LYRM4: variants seen among roughly 807,000 people sequenced by gnomAD.
LYRM4 encodes LYR motif-containing protein 4.
A neutral mutation model predicts 11.7 loss-of-function variants in LYRM4; 9 were observed. That is an observed-to-expected ratio of 0.77 (90% CI 0.46 to 1.34). The LOEUF is 1.34. Among genes scored for constraint, LYRM4 ranks in the 40% most tolerant of loss-of-function variants. LYRM4 has a pLI of 0.00. For missense variants in LYRM4, 133 were observed against 112.5 expected, an observed-to-expected ratio of 1.18 and a Z score of -0.82; for synonymous variants, 42 against 40.4, an observed-to-expected ratio of 1.04 and a Z score of -0.15.
intron 1 of LYRM4, among the ~76,000 whole-genome samples, chr6:5,246,438 T>C (rs1764200281): frequency 6.6e-6 from 1 of 152,192 alleles, no homozygotes; most frequent in Admixed American, 6.5e-5. Context: ...AGGTCTTTAA[T>C]TGGAGAAACC....
the LYRM4 span, chr6:5,084,500 G>C: frequency 1.5e-4 from 23 of 152,084 alleles, no homozygotes; most frequent in African/African-American, 4.3e-4. Context: ...CCCTCCCTGC[G>C]GGATCCCGGG....
intron 1 of LYRM4, among the ~76,000 whole-genome samples, chr6:5,235,364 A>G (rs1032417475): frequency 2.0e-5 from 3 of 152,178 alleles, no homozygotes; most frequent in African/African-American, 7.2e-5. Flanking sequence ...AATCACAAAG[A>G]CCCACAAGCC....
chr6:5,073,605 TA>T, the LYRM4 span, among the ~76,000 whole-genome samples: 7 of 148,632 alleles, frequency 4.7e-5, no homozygotes, highest in African/African-American at 1.5e-4. Flanking sequence ...ATAGTCTGTA[TA>T]ATATATAATC....
the LYRM4 span, among the ~76,000 whole-genome samples, chr6:5,074,480 C>A: frequency 1.5e-5 from 2 of 133,530 alleles, no homozygotes; most frequent in African/African-American, 2.8e-5. Flanking sequence ...TTGAGAGGTT[C>A]AAGGCTTCAG....
At chr6:5,228,096 C>T (rs112010136) in intron 1 of LYRM4, among the ~76,000 whole-genome samples, 13,704 of 152,062 alleles carry the variant, frequency 0.09, 772 homozygotes, top group African/African-American at 0.15. Flanking sequence ...CACTTGTATA[C>T]CCATGTAAGA....
chr6:5,162,959 A>G (rs528120965), intron 2 of LYRM4, among the ~76,000 whole-genome samples: 1 of 152,254 alleles, frequency 6.6e-6, no homozygotes, highest in Admixed American at 6.5e-5. Flanking sequence ...TTTCAGCCTT[A>G]AAAAAATCGA....
At chr6:5,115,418 A>AAT (rs1763073889) in intron 2 of LYRM4, among the ~76,000 whole-genome samples, 1 of 152,168 alleles carries the variant, frequency 6.6e-6, no homozygotes, top group Non-Finnish European at 1.5e-5. Flanking sequence ...CTGTGTGCTA[A>AAT]AGGCCGTATT....
chr6:5,221,775 A>C (rs1445788030), intron 1 of LYRM4, among the ~76,000 whole-genome samples: 10 of 152,242 alleles, frequency 6.6e-5, no homozygotes, highest in Admixed American at 6.5e-4. Context: ...ATCTTCATGC[A>C]GTCAACTGCC....
intron 2 of LYRM4, among the ~76,000 whole-genome samples, chr6:5,169,273 C>T (rs1220099563): frequency 2.0e-5 from 3 of 152,120 alleles, no homozygotes. Flanking sequence ...ACTTATCTGA[C>T]AGCAGTCAGA....
chr6:5,125,776 A>T (rs1763672784), intron 2 of LYRM4, among the ~76,000 whole-genome samples: 1 of 152,248 alleles, frequency 6.6e-6, no homozygotes, highest in Non-Finnish European at 1.5e-5. Context: ...TTTGATGATA[A>T]GCTCAGTGAG....
At chr6:5,117,510 G>A (rs1172509399) in intron 2 of LYRM4, among the ~76,000 whole-genome samples, 1 of 150,888 alleles carries the variant, frequency 6.6e-6, no homozygotes, top group African/African-American at 2.4e-5. Flanking sequence ...AGCCGAGATC[G>A]CACTCCAGCC....
the LYRM4 span, chr6:5,066,798 C>T: frequency 2.7e-6 from 2 of 742,446 alleles, no homozygotes; most frequent in Admixed American, 2.1e-5. Context: ...TAACACCCTC[C>T]TTGGTGAGTT....
At chr6:5,176,653 C>T (rs1235620991) in intron 2 of LYRM4, among the ~76,000 whole-genome samples, 2 of 152,182 alleles carry the variant, frequency 1.3e-5, no homozygotes, top group Non-Finnish European at 1.5e-5. Flanking sequence ...TTACTGAGGC[C>T]TGAAGCACTG....
chr6:5,072,578 T>G, the LYRM4 span, among the ~76,000 whole-genome samples: 1 of 146,482 alleles, frequency 6.8e-6, no homozygotes, highest in Non-Finnish European at 1.5e-5. Flanking sequence ...ACATCAAAGT[T>G]TTTTTTTTTT....
intron 2 of LYRM4, among the ~76,000 whole-genome samples, chr6:5,158,289 A>C (rs931464568): frequency 3.3e-5 from 5 of 152,234 alleles, no homozygotes; most frequent in African/African-American, 1.2e-4. Context: ...AAGCATAAAC[A>C]AACAGGAACA....
At chr6:5,132,591 T>A (rs1423592604) in intron 2 of LYRM4, 1 of 152,246 alleles carries the variant, frequency 6.6e-6, no homozygotes, top group Non-Finnish European at 1.5e-5. Flanking sequence ...TAATTTGTAG[T>A]TCTGCTCCAG....
At chr6:5,085,962 CGTG>C in the LYRM4 span, 1 of 1,527,346 alleles carries the variant, frequency 6.5e-7, no homozygotes, top group African/African-American at 1.4e-5. Context: ...TGCCGCCCGC[CGTG>C]CTCTCGCGCC....
rs1019641771 is a variant in LYRM4, at chr6:5,196,846, A to G, written c.207+19772T>C. ...TAAAAACAATTTATAATACATCAAA[A>G]TATTGACAGGAATGTTAAGCTGTAA... On this transcript the variant is annotated intron_variant, in intron 2 of 2. Coordinates refer to ENST00000330636, the MANE Select transcript of LYRM4 (RefSeq NM_020408.6). Among the ~76,000 whole-genome samples the G allele has an allele frequency of 2.0e-5, 3 of 152,246 alleles. No homozygotes were observed. The South Asian group carries it at 6.2e-4, about 32-fold the overall frequency.
At chr6:5,077,450 G>A in the LYRM4 span, among the ~76,000 whole-genome samples, 49 of 152,292 alleles carry the variant, frequency 3.2e-4, no homozygotes, top group African/African-American at 1.1e-3. Flanking sequence ...GGAAGTGGGA[G>A]GTCGCCATCA....
Sources: gnomAD v4.1 joint callset for allele counts (sites outside exome capture counted in the v4.1 genomes callset) on GRCh38, gnomAD v4.1.1 for gene constraint, MANE v1.5 for transcripts, NCBI Gene and HGNC (gene_info 2026-07-23, HGNC 2026-07-21) for gene names.